Variants in AMPD2 observed in about 807,000 individuals in gnomAD.
The protein encoded by AMPD2 is adenosine monophosphate deaminase 2.
In AMPD2, 52 loss-of-function variants were observed where a neutral mutation model predicts 91.3. The ratio of observed to expected loss-of-function variants is 0.57; its 90% confidence interval spans 0.46 to 0.72. The LOEUF is 0.72. Among genes scored for constraint, AMPD2 ranks in the 30% least tolerant of loss-of-function variants. The probability of loss-of-function intolerance (pLI) is 0.00; values close to 1 mark genes in which losing one functional copy is unlikely to be tolerated. For missense variants in AMPD2, 822 were observed against 1,122.3 expected, an observed-to-expected ratio of 0.73 and a Z score of 3.82; for synonymous variants, 455 against 456.4, an observed-to-expected ratio of 1.00 and a Z score of 0.04.
intron 2 of AMPD2, chr1:109,622,044 C>A: frequency 2.7e-6 from 1 of 368,700 alleles, no homozygotes. Flanking sequence ...TATCTGCCTG[C>A]TGTCTGCTCC....
Position 109,627,470 on chromosome 1 carries a change from T to G in AMPD2, c.902T>G (p.Phe301Cys). The change falls in exon 9 of 19, where the codon TTT becomes TGT. Residue 301 changes from phenylalanine to cysteine, a missense_variant. Coordinates refer to ENST00000528667, the MANE Select transcript of AMPD2 (RefSeq NM_001368809.2). ...VELPYPDLQE[F>C]VADVNVLMAL... ...CTGCCATACCCTGACCTGCAGGAAT[T>G]TGTGGCTGACGTCAATGTGCTGATG... is the stretch of plus-strand genomic sequence containing the variant. The G allele has an allele frequency of 5.0e-6, 8 of 1,614,018 alleles. No individual in the cohort carries two copies. The highest frequency in any genetic ancestry group is 6.8e-6 in the Non-Finnish European group (8 of 1,179,982).
rs1406592184 is a variant in AMPD2 at position 109,626,877 on chromosome 1, C to T, written c.683C>T (p.Thr228Ile). ...QLAEKPLETR[T>I]YEQGPDTPVS... ...GCTGAAAAGCCTCTGGAGACCCGGA[C>T]CTATGAACAGGGCCCCGACACCCCT... The change falls in exon 7 of 19, where the codon ACC becomes ATC. Residue 228 changes from threonine (T) to isoleucine (I), a missense_variant. Thr to Ile is a moderately conservative substitution (Grantham distance 89). Around this residue, in one of 5 missense-constraint regions of AMPD2, gnomAD observed 240 missense variants for 270.3 expected, o/e 0.89. Transcript: ENST00000528667. 2 of 1,613,670 alleles carry T rather than the reference C, an allele frequency of 1.2e-6. No individual in the cohort carries two copies. The highest frequency in any genetic ancestry group is 2.7e-5 in the African/African-American group (2 of 74,920).
At position 109,628,585 on chromosome 1, in the gene AMPD2, C is replaced by T. The variant is rs1650926819; in HGVS notation, c.1408-58C>T. The stretch of plus-strand genomic sequence containing the variant: ...ACTCAAGGAGGGTAGGCAGATGACC[C>T]CCTGAAGAGCTCTGACTCAGCTCAC... On this transcript the variant is annotated intron_variant, in intron 12 of 18. Coordinates refer to ENST00000528667, the MANE Select transcript of AMPD2 (RefSeq NM_001368809.2). The surrounding 1 kb of genome is among the most constrained non-coding windows in gnomAD (Gnocchi z 7.1). 4.3e-6 allele frequency: 7 copies of T among 1,610,390 alleles called. No homozygotes were observed. The Admixed American group carries it at 5.0e-5, about 12-fold the overall frequency.
In AMPD2 at chr1:109,620,121, C is replaced by T; in HGVS notation, c.-420C>T. The stretch of plus-strand genomic sequence containing the variant: ...CCAGCTGGCAATTTTGAAAGACTGC[C>T]TTACTTTCCCCATCTCAGTGCCAGG... On this transcript the variant is annotated 5_prime_UTR_variant, in exon 1 of 19. Coordinates refer to ENST00000528667, the MANE Select transcript of AMPD2 (RefSeq NM_001368809.2). 2 of 1,154,016 alleles carry T rather than the reference C, an allele frequency of 1.7e-6. No individual in the cohort carries two copies. Among genetic ancestry groups the T allele is most frequent in the African/African-American group, 1.5e-5 (1 of 65,264 alleles). 71.5% of individuals were successfully genotyped at this position (1,154,016 alleles called of 1,614,324 possible). A position where few individuals can be genotyped will look rare whatever the true frequency, so the allele number is the denominator to read the frequency against.
rs115321926 is a variant in AMPD2, at chr1:109,625,703, T to C, written c.264T>C (p.Ser88=). 3.1e-6 allele frequency: 5 copies of C among 1,614,160 alleles called. No homozygotes were observed. In the African/African-American group the frequency reaches 6.7e-5, roughly 22 times the overall value. Residue 88 remains serine, a synonymous_variant, in exon 4 of 19, where the codon AGT becomes AGC. Transcript: ENST00000528667. This position sits in a 1 kb window ranked among gnomAD's most constrained non-coding sequence, Gnocchi z 4.0. ...TRSLAESELR[S]APYEFPEESP... is the part of the protein sequence containing the mutation. The stretch of plus-strand genomic sequence containing the variant: ...CACTGGCTGAGAGCGAGCTCCGTAG[T>C]GCCCCGTATGAGTTCCCCGAGGAGA...
chr1:109,630,703 C>T lies in AMPD2; in HGVS notation c.2178C>T (p.Tyr726=), dbSNP rs772517798. The change falls in exon 18 of 19, where the codon TAC becomes TAT. Residue 726 remains tyrosine (Y), a synonymous_variant. Coordinates refer to ENST00000528667, the MANE Select transcript of AMPD2 (RefSeq NM_001368809.2). ...TGCAGGAGCCGCTGATGGAGGAGTA[C>T]AGCATCGCCACCCAGGTGTGGAAGC... is the stretch of plus-strand genomic sequence containing the variant. ...HFTKEPLMEE[Y]SIATQVWKLS... 4.3e-6 allele frequency: 7 copies of T among 1,611,976 alleles called. No individual in the cohort carries two copies. The highest frequency in any genetic ancestry group is 5.9e-6 in the Non-Finnish European group (7 of 1,179,508).
rs765227765 is a variant in AMPD2 at position 109,626,439 on chromosome 1, G to T, written c.531+12G>T. On this transcript the variant is annotated intron_variant, in intron 6 of 18. Transcript: ENST00000528667. ...AGGAGAAGTGTGGGGTAAGTATGGG[G>T]TGTATGTTGGGTGAGTCGCCATCAC... 3 of 1,596,526 alleles carry T rather than the reference G, an allele frequency of 1.9e-6. No individual in the cohort carries two copies. Among genetic ancestry groups the T allele is most frequent in the South Asian group, 1.1e-5 (1 of 89,232 alleles).
intron 2 of AMPD2, 162 bp downstream of exon 2, chr1:109,621,428 G>T (rs1650259828): frequency 1.9e-6 from 1 of 516,992 alleles, no homozygotes; most frequent in African/African-American, 2.0e-5. Context: ...GGAAGGTGGG[G>T]TGAGGGGTGG....
intron 2 of AMPD2, 165 bp downstream of exon 2, chr1:109,621,431 A>AGGGGGGGGTGG: frequency 8.8e-6 from 1 of 113,326 alleles, no homozygotes; most frequent in Non-Finnish European, 1.8e-5. Context: ...AGGTGGGGTG[A>AGGGGGGGGTGG]GGGGTGGTGG....
At chr1:109,620,756 TCCAGG>T in intron 1 of AMPD2, 153 bp from the exon 2 acceptor site, 1 of 1,270,806 alleles carries the variant, frequency 7.9e-7, no homozygotes, top group Non-Finnish European at 9.9e-7. Flanking sequence ...TCTTTTTTCT[TCCAGG>T]CTAGCTGGAA....
Position 109,625,238 on chromosome 1 carries a change from C to T in AMPD2, c.92-65C>T. 1 of 1,582,050 alleles carries T rather than the reference C, an allele frequency of 6.3e-7. No homozygotes were observed. Among genetic ancestry groups the T allele is most frequent in the Non-Finnish European group, 8.6e-7 (1 of 1,162,446 alleles). ...CTCTCGGGAGCTGGCCTAGGCAGGG[C>T]AGGGGCCCAGGGCTTTCAGGGGCTG... is the stretch of plus-strand genomic sequence containing the variant. On this transcript the variant is annotated intron_variant, in intron 2 of 18. Coordinates refer to ENST00000528667, the MANE Select transcript of AMPD2 (RefSeq NM_001368809.2). The surrounding 1 kb of genome is among the most constrained non-coding windows in gnomAD (Gnocchi z 4.0).
chr1:109,620,779 C>T, intron 1 of AMPD2, 135 bp from the exon 2 acceptor site: 1 of 1,300,722 alleles, frequency 7.7e-7, no homozygotes, highest in Admixed American at 3.7e-5. Context: ...GAAGGACCAG[C>T]TAGCCTGGAC....
intron 1 of AMPD2, 21 bp downstream of exon 1, chr1:109,620,299 T>TG: frequency 6.2e-7 from 1 of 1,613,512 alleles, no homozygotes; most frequent in Non-Finnish European, 8.5e-7. Flanking sequence ...GTACGTGTGT[T>TG]GGAGGGAGGG....
At position 109,631,028 on chromosome 1, in the gene AMPD2, G is replaced by A; in HGVS notation, c.2354G>A (p.Arg785His). The change falls in exon 19 of 19, where the codon CGC becomes CAC. Residue 785 changes from arginine to histidine, a missense_variant. Coordinates refer to ENST00000528667, the MANE Select transcript of AMPD2 (RefSeq NM_001368809.2). ...CGCCGGACCAATGTGCCAGACATCC[G>A]CGTGGGCTACCGCTACGAGACCCTG... ...DIRRTNVPDIRVGYRYETLCQ... is the reference protein window; with the variant it reads ...DIRRTNVPDIHVGYRYETLCQ... 6.2e-6 allele frequency: 10 copies of A among 1,614,168 alleles called. No individual in the cohort carries two copies. Among genetic ancestry groups the A allele is most frequent in the Non-Finnish European group, 8.5e-6 (10 of 1,180,038 alleles).
In AMPD2 at chr1:109,624,126, G is replaced by A. The variant is rs1006496113; in HGVS notation, c.92-1177G>A. ...GCAGGGGCCGGGGTGCGCAGGGGAC[G>A]GGGTCCTGGATCTGGGGCAGGCCCC... On this transcript the variant is annotated intron_variant, in intron 2 of 18. Transcript: ENST00000528667. This position sits in a 1 kb window ranked among gnomAD's most constrained non-coding sequence, Gnocchi z 5.2. 2.4e-5 allele frequency: 23 copies of A among 966,778 alleles called. No individual in the cohort carries two copies. Among genetic ancestry groups the A allele is most frequent in the Middle Eastern group, 1.1e-3 (2 of 1,872 alleles). The allele number at this position is 966,778 out of a possible 1,614,324, so 59.9% of individuals were successfully genotyped here.
rs369969709 is a variant in AMPD2 at position 109,624,069 on chromosome 1, G to A, written c.92-1234G>A. On this transcript the variant is annotated intron_variant, in intron 2 of 18. Coordinates refer to ENST00000528667, the MANE Select transcript of AMPD2 (RefSeq NM_001368809.2). This position sits in a 1 kb window ranked among gnomAD's most constrained non-coding sequence, Gnocchi z 5.2. The stretch of plus-strand genomic sequence containing the variant: ...GGCAAGGGGCACAGGGCTGCTGGCC[G>A]GAGCTGCCTGCACTCTGCAGGTAGG... 7.1e-6 allele frequency: 7 copies of A among 985,550 alleles called. No homozygotes were observed. Among genetic ancestry groups the A allele is most frequent in the African/African-American group, 3.5e-5 (2 of 57,246 alleles). 61.1% of individuals were successfully genotyped at this position (985,550 alleles called of 1,614,324 possible).
At chr1:109,627,020 C>T (rs767388129) in intron 7 of AMPD2, 108 bp downstream of exon 7, 21 of 1,540,872 alleles carry the variant, frequency 1.4e-5, no homozygotes, top group Non-Finnish European at 1.8e-5. Flanking sequence ...AACCCAGGCT[C>T]ATTCCAACCT....
rs569890024 is a variant in AMPD2, at chr1:109,624,466, G to C, written c.92-837G>C. Among the ~76,000 whole-genome samples the C allele has an allele frequency of 1.3e-5, 2 of 152,324 alleles. No homozygotes were observed. Among genetic ancestry groups the C allele is most frequent in the South Asian group, 4.1e-4 (2 of 4,828 alleles). ...CCTCGTGGTACAGATGGAAAGTCTA[G>C]TCTTGATGAAGAAAGACCCCTGGCT... On this transcript the variant is annotated intron_variant, in intron 2 of 18. Transcript: ENST00000528667. This position sits in a 1 kb window ranked among gnomAD's most constrained non-coding sequence, Gnocchi z 5.2.
At position 109,626,896 on chromosome 1, in the gene AMPD2, C is replaced by T. The variant is rs1308601695; in HGVS notation, c.702C>T (p.Asp234=). 1.9e-6 allele frequency: 3 copies of T among 1,613,126 alleles called. No individual in the cohort carries two copies. The highest frequency in any genetic ancestry group is 4.5e-5 in the East Asian group (2 of 44,878). ...LETRTYEQGP[D]TPVSADAPVH... Reference sequence around the variant, plus strand: ...CCCGGACCTATGAACAGGGCCCCGACACCCCTGTGTCTGCTGGTGGGACTC... The same window carrying T: ...CCCGGACCTATGAACAGGGCCCCGATACCCCTGTGTCTGCTGGTGGGACTC... The change falls in exon 7 of 19, where the codon GAC becomes GAT. Residue 234 remains aspartate, a synonymous_variant. Coordinates refer to ENST00000528667, the MANE Select transcript of AMPD2 (RefSeq NM_001368809.2).
Sources: gnomAD v4.1 joint callset for allele counts (sites outside exome capture counted in the v4.1 genomes callset) on GRCh38, gnomAD v4.1.1 for gene constraint, gnomAD v4.1.1 regional missense constraint, Gnocchi (gnomAD v3.1) non-coding constraint, MANE v1.5 for transcripts, NCBI Gene and HGNC (gene_info 2026-07-23, HGNC 2026-07-21) for gene names.